Variants in ZNF83 observed in about 807,000 individuals in gnomAD.
ZNF83 encodes zinc finger protein 83, also known as zinc finger protein 816B.
For synonymous variants in ZNF83, 209 were observed against 213.0 expected, an observed-to-expected ratio of 0.98 and a Z score of 0.17; for missense variants, 552 against 629.9, an observed-to-expected ratio of 0.88 and a Z score of 1.32.
chr19:52,658,638 C>G (rs565773831), intron 2 of ZNF83, among the ~76,000 whole-genome samples: 2 of 152,086 alleles, frequency 1.3e-5, no homozygotes, highest in African/African-American at 4.8e-5. Flanking sequence ...TTTGGAAGGC[C>G]GAAAGGTTAT....
At chr19:52,617,604 G>C (rs748956946) in intron 2 of ZNF83, 2 of 152,026 alleles carry the variant, frequency 1.3e-5, no homozygotes, top group African/African-American at 2.4e-5. Flanking sequence ...GGTGGCATGT[G>C]ACTGCAGTCC....
intron 1 of ZNF83, among the ~76,000 whole-genome samples, chr19:52,683,568 G>A (rs1029351204): frequency 6.7e-6 from 1 of 149,136 alleles, no homozygotes; most frequent in Non-Finnish European, 1.5e-5. Context: ...ACTGGGTCCT[G>A]GTGATGTGCA....
chr19:52,614,844 C>A, intron 2 of ZNF83, 47 bp from the exon 3 acceptor site: 1 of 1,237,700 alleles, frequency 8.1e-7, no homozygotes, highest in South Asian at 3.8e-5. Context: ...TACAGATAGT[C>A]AATAAATATC....
At chr19:52,612,783 T>C in exon 3 of ZNF83, 1 of 501,708 alleles carries the variant, frequency 2.0e-6, no homozygotes, top group Non-Finnish European at 3.5e-6. Context: ...TTGTTAGGTT[T>C]CTCACCAGCA....
intron 1 of ZNF83, among the ~76,000 whole-genome samples, chr19:52,679,607 T>C (rs540224915): frequency 2.6e-5 from 4 of 151,996 alleles, no homozygotes; most frequent in African/African-American, 9.6e-5. Flanking sequence ...GGAGACTGTA[T>C]CTCAAAAAAT....
At chr19:52,622,265 A>G (rs368728842) in intron 2 of ZNF83, among the ~76,000 whole-genome samples, 30 of 152,230 alleles carry the variant, frequency 2.0e-4, no homozygotes, top group African/African-American at 6.5e-4. Flanking sequence ...CATTTTCTCT[A>G]TCAGACCTTT....
chr19:52,616,359 C>T (rs1344661016), intron 2 of ZNF83, among the ~76,000 whole-genome samples: 1 of 152,138 alleles, frequency 6.6e-6, no homozygotes, highest in Non-Finnish European at 1.5e-5. Context: ...ATTGACCCAG[C>T]AATCCCATTA....
rs544728739 is a variant in ZNF83 at position 52,629,991 on chromosome 19, C to T, written c.-234+5075G>A. ...TCCAGCACACAAGAACTTCCAAACG[C>T]CTGAACCACAGTGGCCAGGCATTCC... On this transcript the variant is annotated intron_variant, in intron 2 of 2. Coordinates refer to ENST00000301096, the Ensembl canonical transcript of ZNF83. 3.2e-3 allele frequency among the ~76,000 whole-genome samples: 485 copies of T among 151,792 alleles called. 1 individual carries two copies. Among genetic ancestry groups the T allele is most frequent in the African/African-American group, 0.01 (425 of 41,100 alleles).
At chr19:52,630,549 C>T (rs1337979046) in intron 2 of ZNF83, among the ~76,000 whole-genome samples, 2 of 152,052 alleles carry the variant, frequency 1.3e-5, no homozygotes, top group East Asian at 3.9e-4. Flanking sequence ...ATATTTTAAC[C>T]AAATTATCTG....
chr19:52,646,910 G>C (rs753806105), intron 3 of ZNF83, among the ~76,000 whole-genome samples: 1 of 152,192 alleles, frequency 6.6e-6, no homozygotes, highest in Non-Finnish European at 1.5e-5. Context: ...TTATGGTATA[G>C]ATTACATAAC....
intron 3 of ZNF83, chr19:52,651,946 T>C (rs1313113309): frequency 5.6e-6 from 1 of 178,982 alleles, no homozygotes; most frequent in Non-Finnish European, 1.3e-5. Context: ...CTCTAGTCAA[T>C]GCAGAATTGA....
chr19:52,653,928 CT>C, intron 3 of ZNF83: 1 of 1,075,754 alleles, frequency 9.3e-7, no homozygotes, highest in Middle Eastern at 2.1e-4. Context: ...TGTGTTCTTC[CT>C]GGATTTGTGT....
chr19:52,614,082 C>T, exon 3 of ZNF83: 1 of 1,612,710 alleles, frequency 6.2e-7, no homozygotes, highest in Non-Finnish European at 8.5e-7. Context: ...CAAGGTGTGA[C>T]ATATTATGGA....
chr19:52,631,941 C>G (rs1447544155), intron 2 of ZNF83, among the ~76,000 whole-genome samples: 1 of 135,622 alleles, frequency 7.4e-6, no homozygotes, highest in Admixed American at 8.1e-5. Flanking sequence ...TCAGGCCCCC[C>G]TCCCTTCCCT....
At chr19:52,623,000 A>T (rs113712861) in intron 2 of ZNF83, among the ~76,000 whole-genome samples, 2,842 of 146,628 alleles carry the variant, frequency 0.019, 83 homozygotes, top group African/African-American at 0.063. Flanking sequence ...TTCCTACAGG[A>T]CCTCCTCTCT....
At chr19:52,653,522 G>C (rs1366379666) in intron 3 of ZNF83, among the ~76,000 whole-genome samples, 2 of 152,138 alleles carry the variant, frequency 1.3e-5, no homozygotes, top group Non-Finnish European at 2.9e-5. Flanking sequence ...TGTGTTTCAA[G>C]TTGTGATCTG....
In ZNF83 at chr19:52,664,033, C is replaced by T. The variant is rs112747967; in HGVS notation, c.-282-3190G>A. 3.3e-3 allele frequency among the ~76,000 whole-genome samples: 498 copies of T among 152,298 alleles called. 5 individuals carry two copies. Among genetic ancestry groups the T allele is most frequent in the African/African-American group, 0.011 (469 of 41,576 alleles). ...CCCAGTAGCTGGAATTACAGGCAAG[C>T]ATCACCATGCTCAGCTAATTTCAGT... is the stretch of plus-strand genomic sequence containing the variant. On this transcript the variant is annotated intron_variant, in intron 1 of 5. Transcript: ENST00000594682.
intron 3 of ZNF83, chr19:52,652,068 T>G (rs888917806): frequency 4.2e-6 from 1 of 240,664 alleles, no homozygotes; most frequent in Non-Finnish European, 8.3e-6. Flanking sequence ...CTAAAGACAT[T>G]GCCACACCTA....
intron 1 of ZNF83, among the ~76,000 whole-genome samples, chr19:52,661,303 C>T (rs2061577149): frequency 6.6e-6 from 1 of 152,152 alleles, no homozygotes; most frequent in Admixed American, 6.5e-5. Context: ...ACAGGAAGAC[C>T]TACAAGGGTA....
Sources: allele counts gnomAD v4.1 joint callset (sites outside exome capture counted in the v4.1 genomes callset), GRCh38; gene constraint gnomAD v4.1.1; transcripts MANE v1.5; gene names NCBI Gene and HGNC (gene_info 2026-07-23, HGNC 2026-07-21).